Variants in WDR72 observed in about 807,000 individuals in gnomAD.
WDR72 encodes the protein WD repeat domain 72.
A neutral mutation model predicts 124.2 loss-of-function variants in WDR72; 120 were observed. The ratio of observed to expected loss-of-function variants is 0.97; its 90% CI spans 0.83 to 1.12. The LOEUF is 1.12. Among genes scored for constraint, WDR72 ranks in the 50% most tolerant of loss-of-function variants. WDR72 has a pLI of 0.00. For missense variants in WDR72, 1,387 were observed against 1,278.8 expected (o/e 1.08, Z -1.29); for synonymous variants, 452 against 441.7 (o/e 1.02, Z -0.29).
intron 18 of WDR72, among the ~76,000 whole-genome samples, chr15:53,572,401 G>A (rs1303321823): frequency 4.6e-5 from 6 of 129,304 alleles, no homozygotes; most frequent in African/African-American, 1.4e-4. Context: ...TTTTGTATAC[G>A]GTGTGAGATA....
In WDR72 at chr15:53,616,221, G is replaced by C; in HGVS notation, c.1985C>G (p.Pro662Arg). 6.2e-7 allele frequency: 1 copy of C among 1,601,724 alleles called. No homozygotes were observed. Among genetic ancestry groups the C allele is most frequent in the Non-Finnish European group, 8.5e-7 (1 of 1,178,772 alleles). The change falls in exon 15 of 20, where the codon CCA becomes CGA. Residue 662 changes from proline to arginine, a missense_variant. By Grantham distance (103) the Pro-to-Arg change is moderately radical. Coordinates refer to ENST00000360509, the MANE Select transcript of WDR72 (RefSeq NM_182758.4). ...SCKVTDAKFC[P>R]RPFNVLPVKT... ...CACAGGCAAGACATTAAAAGGTCTT[G>C]GGCAAAATTTGGCATCAGTAACCTA...
Position 53,689,203 on chromosome 15 carries a change from A to C in WDR72, c.1765+10547T>G, listed in dbSNP as rs1488408741. Among the ~76,000 whole-genome samples, 4 of 152,022 alleles carry C rather than the reference A, an allele frequency of 2.6e-5. 1 individual carries two copies. The highest frequency in any genetic ancestry group is 5.9e-5 in the Non-Finnish European group (4 of 68,042). Reference sequence around the variant, plus strand: ...CCAAAAGCAATGCCAACAAAAGCCAAAATTGACAAATGGGATCTAATTAAA... The same window carrying C: ...CCAAAAGCAATGCCAACAAAAGCCACAATTGACAAATGGGATCTAATTAAA... On this transcript the variant is annotated intron_variant, in intron 13 of 19. Coordinates refer to ENST00000360509, the MANE Select transcript of WDR72 (RefSeq NM_182758.4).
At chr15:53,626,198 A>AG in intron 14 of WDR72, among the ~76,000 whole-genome samples, 1 of 152,120 alleles carries the variant, frequency 6.6e-6, no homozygotes, top group Non-Finnish European at 1.5e-5. Flanking sequence ...CTGGGGTTCT[A>AG]GGCCTTATGG....
intron 18 of WDR72, among the ~76,000 whole-genome samples, chr15:53,575,686 C>G (rs926593606): frequency 6.6e-6 from 1 of 152,098 alleles, no homozygotes; most frequent in Non-Finnish European, 1.5e-5. Flanking sequence ...AAGATTAGAT[C>G]ATGTGTGTAA....
At chr15:53,522,463 T>C (rs982296559) in intron 19 of WDR72, among the ~76,000 whole-genome samples, 11 of 152,042 alleles carry the variant, frequency 7.2e-5, no homozygotes, top group African/African-American at 2.7e-4. Context: ...AGGTACCTTC[T>C]AGCACCTTAT....
At chr15:53,541,320 A>C (rs1286027220) in intron 18 of WDR72, among the ~76,000 whole-genome samples, 1 of 152,174 alleles carries the variant, frequency 6.6e-6, no homozygotes, top group East Asian at 1.9e-4. Context: ...TGCCTCCTCA[A>C]GTGGGTCCCT....
At chr15:53,634,392 C>T (rs547430086) in intron 14 of WDR72, among the ~76,000 whole-genome samples, 5 of 152,172 alleles carry the variant, frequency 3.3e-5, no homozygotes, top group Non-Finnish European at 5.9e-5. Flanking sequence ...CCCCTCTAAC[C>T]CAGTGGTGTC....
intron 18 of WDR72, among the ~76,000 whole-genome samples, chr15:53,529,360 C>T (rs1177637746): frequency 6.6e-6 from 1 of 151,718 alleles, no homozygotes; most frequent in Non-Finnish European, 1.5e-5. Context: ...AACTCAGGTT[C>T]TTTCCTTTAT....
chr15:53,627,991 T>C (rs572865026), intron 14 of WDR72, among the ~76,000 whole-genome samples: 1 of 152,336 alleles, frequency 6.6e-6, no homozygotes, highest in Non-Finnish European at 1.5e-5. Context: ...TACCACTTTC[T>C]ACTTTCTGCC....
At chr15:53,682,255 A>G (rs1255049083) in intron 13 of WDR72, among the ~76,000 whole-genome samples, 1 of 152,210 alleles carries the variant, frequency 6.6e-6, no homozygotes, top group Non-Finnish European at 1.5e-5. Flanking sequence ...TAATTTCACC[A>G]AAGTGGAGAT....
chr15:53,720,791 G>C (rs1340305540), intron 3 of WDR72, among the ~76,000 whole-genome samples: 1 of 151,970 alleles, frequency 6.6e-6, no homozygotes, highest in African/African-American at 2.4e-5. Flanking sequence ...GATCTCCAGT[G>C]GTTTATTTTC....
In WDR72 at chr15:53,518,195, T is replaced by TA. The variant is rs1891571474; in HGVS notation, c.3254-442dup. Among the ~76,000 whole-genome samples the TA allele has an allele frequency of 3.3e-5, 5 of 152,242 alleles. No individual in the cohort carries two copies. In the South Asian group the frequency reaches 8.3e-4, roughly 25 times the overall value. On this transcript the variant is annotated intron_variant, in intron 19 of 19. Coordinates refer to ENST00000360509, the MANE Select transcript of WDR72 (RefSeq NM_182758.4). Reference sequence around the variant, plus strand: ...TTATTAGTTGAAATACTGTTTGAGTTAGAGAATCAAACAAGTATTTATTTC... The same window carrying TA: ...TTATTAGTTGAAATACTGTTTGAGTTAAGAGAATCAAACAAGTATTTATTTC...
At chr15:53,657,567 T>C (rs1333182957) in intron 14 of WDR72, among the ~76,000 whole-genome samples, 2 of 151,656 alleles carry the variant, frequency 1.3e-5, no homozygotes, top group East Asian at 1.9e-4. Context: ...TAACTACAAA[T>C]GGAGTATTTA....
intron 3 of WDR72, among the ~76,000 whole-genome samples, chr15:53,719,197 C>T (rs1026829405): frequency 3.3e-5 from 5 of 152,140 alleles, no homozygotes; most frequent in African/African-American, 1.2e-4. Context: ...AACATGAATG[C>T]TTGCTTTGCC....
intron 18 of WDR72, among the ~76,000 whole-genome samples, chr15:53,592,824 C>T (rs1186032535): frequency 1.3e-5 from 2 of 152,092 alleles, no homozygotes; most frequent in Non-Finnish European, 2.9e-5. Context: ...ATAATAGAAA[C>T]TATTGCTGTT....
intron 9 of WDR72, among the ~76,000 whole-genome samples, chr15:53,710,126 T>G (rs2140542923): frequency 6.6e-6 from 1 of 152,262 alleles, no homozygotes; most frequent in East Asian, 1.9e-4. Flanking sequence ...CTCAACTCTC[T>G]GCCAAAAGCA....
chr15:53,624,518 C>T (rs1052374561), intron 14 of WDR72, among the ~76,000 whole-genome samples: 2 of 152,174 alleles, frequency 1.3e-5, no homozygotes, highest in Non-Finnish European at 2.9e-5. Context: ...TTCTTGTTCT[C>T]CTCTTATTAT....
Position 53,517,789 on chromosome 15 carries a change from G to A in WDR72, c.3254-35C>T, listed in dbSNP as rs756365358. On this transcript the variant is annotated intron_variant, in intron 19 of 19. Coordinates refer to ENST00000360509, the MANE Select transcript of WDR72 (RefSeq NM_182758.4). Reference sequence around the variant, plus strand: ...AAGCAGATATCTTGGGTTATATGGTGAAATCTAAAAAGAGAAAAAAGAGAA... The same window carrying A: ...AAGCAGATATCTTGGGTTATATGGTAAAATCTAAAAAGAGAAAAAAGAGAA... 4 of 1,604,716 alleles carry A rather than the reference G, an allele frequency of 2.5e-6. No individual in the cohort carries two copies. The African/African-American group carries it at 4.0e-5, about 16-fold the overall frequency.
In WDR72 at chr15:53,523,260, C is replaced by T; in HGVS notation, c.3211G>A (p.Asp1071Asn). Residue 1071 changes from aspartate (D) to asparagine (N), a missense_variant, in exon 19 of 20, where the codon GAC becomes AAC. Transcript: ENST00000360509. ...SNSANFQDVE[D>N]MPDRCALEES... ...TCCAAGGCACATCTGTCAGGCATGT[C>T]CTCCACGTCTTGGAAGTTTGCCGAG... The T allele has an allele frequency of 1.2e-6, 2 of 1,613,202 alleles. No homozygotes were observed. Among genetic ancestry groups the T allele is most frequent in the Non-Finnish European group, 1.7e-6 (2 of 1,179,450 alleles).
Sources: allele counts gnomAD v4.1 joint callset (sites outside exome capture counted in the v4.1 genomes callset), GRCh38; gene constraint gnomAD v4.1.1; transcripts MANE v1.5; gene names NCBI Gene and HGNC (gene_info 2026-07-23, HGNC 2026-07-21).